The following WDR33 variants were observed in gnomAD, a reference collection of about 807,000 sequenced individuals.
WDR33 encodes WD repeat domain 33, also known as pre-mRNA 3' end processing protein WDR33.
Under a neutral mutation model 164.9 loss-of-function variants are expected in WDR33, and 47 were observed. The ratio of observed to expected loss-of-function variants is 0.29; its 90% CI spans 0.23 to 0.36. WDR33 has a LOEUF of 0.36. WDR33 is among the 10% of genes least tolerant of loss of function. The probability of loss-of-function intolerance (pLI) is 1.00; values close to 1 mark genes in which losing one functional copy is unlikely to be tolerated. For missense variants in WDR33, 1,137 were observed against 1,754.1 expected (o/e 0.65, Z 6.28); for synonymous variants, 505 against 589.0 (o/e 0.86, Z 2.06).
At chr2:127,751,224 G>A (rs1687350063) in intron 7 of WDR33, among the ~76,000 whole-genome samples, 1 of 151,888 alleles carries the variant, frequency 6.6e-6, no homozygotes, top group Admixed American at 6.6e-5. Context: ...AGCCACACAT[G>A]GTGGCATGCA....
chr2:127,704,279 A>C lies in WDR33; in HGVS notation c.*2044T>G, dbSNP rs1326640030. ...TATTGTTTAAATGAATTCACTCTCA[A>C]AATGTGATCTGTCAAGTCCAGTAGA... On this transcript the variant is annotated 3_prime_UTR_variant, in exon 22 of 22. Transcript: ENST00000322313. The C allele has an allele frequency of 1.2e-5, 2 of 166,946 alleles. No homozygotes were observed. The highest frequency in any genetic ancestry group is 2.4e-5 in the African/African-American group (1 of 41,404). 10.3% of individuals were successfully genotyped at this position (166,946 alleles called of 1,614,324 possible).
intron 1 of WDR33, among the ~76,000 whole-genome samples, chr2:127,775,458 G>GAATC (rs1475287331): frequency 2.6e-5 from 4 of 152,292 alleles, no homozygotes; most frequent in Admixed American, 2.6e-4. Context: ...CAAGGTGCTG[G>GAATC]GATTACAGGC....
chr2:127,749,315 C>T (rs1687250844), intron 7 of WDR33, among the ~76,000 whole-genome samples: 1 of 152,118 alleles, frequency 6.6e-6, no homozygotes, highest in Non-Finnish European at 1.5e-5. Flanking sequence ...ACCTGGGTGA[C>T]TGAGTGAAAC....
intron 5 of WDR33, 69 bp from the exon 6 acceptor site, chr2:127,765,048 A>G (rs1573929789): frequency 1.3e-6 from 2 of 1,573,854 alleles, no homozygotes; most frequent in East Asian, 2.2e-5. Flanking sequence ...GGCTTACAAG[A>G]GCATATAACT....
chr2:127,783,602 T>TTTTTTTTTTG, intron 1 of WDR33, among the ~76,000 whole-genome samples: 1 of 121,122 alleles, frequency 8.3e-6, no homozygotes, highest in African/African-American at 3.5e-5. Flanking sequence ...AGGACTCCTT[T>TTTTTTTTTTG]TTTTTTTTTT....
chr2:127,801,777 G>A (rs576969956), intron 1 of WDR33, among the ~76,000 whole-genome samples: 5 of 152,102 alleles, frequency 3.3e-5, no homozygotes, highest in East Asian at 3.9e-4. Context: ...CCAGCTACTC[G>A]GGAGACTGAG....
intron 8 of WDR33, among the ~76,000 whole-genome samples, chr2:127,725,892 A>G (rs1418317020): frequency 6.6e-6 from 1 of 152,126 alleles, no homozygotes; most frequent in African/African-American, 2.4e-5. Flanking sequence ...ACTTCCATAA[A>G]GTTTCTCTAA....
In WDR33 at chr2:127,704,939, C is replaced by A. The variant is rs74466242; in HGVS notation, c.*1384G>T. On this transcript the variant is annotated 3_prime_UTR_variant, in exon 22 of 22. Transcript: ENST00000322313. The stretch of plus-strand genomic sequence containing the variant: ...TCCATCTCTACAAAAAACACACACA[C>A]AAAAAATTAGCTGGGCATGGTGGCA... The A allele has an allele frequency of 0.061, 9,552 of 157,600 alleles. 583 individuals carry two copies. The highest frequency in any genetic ancestry group is 0.16 in the African/African-American group (6,650 of 41,438). The allele number at this position is 157,600 out of a possible 1,614,324, so 9.8% of individuals were successfully genotyped here.
rs1467602434 is a variant in WDR33, at chr2:127,733,710, C to CA, written c.725-6934dup. The stretch of plus-strand genomic sequence containing the variant: ...ATAGAATACTTCCGTCGTCACAAAA[C>CA]AAAAAACAAAAAACAAAAAAACCCT... On this transcript the variant is annotated intron_variant, in intron 7 of 21. Transcript: ENST00000322313. 4.0e-5 allele frequency among the ~76,000 whole-genome samples: 6 copies of CA among 150,716 alleles called. No individual in the cohort carries two copies. In the East Asian group the frequency reaches 9.6e-4, roughly 24 times the overall value.
At chr2:127,796,329 C>T (rs549806925) in intron 1 of WDR33, among the ~76,000 whole-genome samples, 2 of 152,150 alleles carry the variant, frequency 1.3e-5, no homozygotes, top group African/African-American at 4.8e-5. Context: ...CCGACTCAGC[C>T]TCCCAAAGTA....
chr2:127,788,099 GC>G (rs1688666184), intron 1 of WDR33, among the ~76,000 whole-genome samples: 1 of 97,990 alleles, frequency 1.0e-5, no homozygotes, highest in Non-Finnish European at 2.1e-5. Context: ...CCCGGACGGG[GC>G]GGCTGGCCGG....
intron 7 of WDR33, among the ~76,000 whole-genome samples, chr2:127,750,700 A>ATG (rs1246585644): frequency 0.013 from 764 of 60,972 alleles, 8 homozygotes; most frequent in Non-Finnish European, 0.015. Context: ...ATATATATAT[A>ATG]TATATATATA....
Position 127,702,091 on chromosome 2 carries a change from T to C in WDR33, c.*4232A>G. ...CTGCTGGCCGCGCTGGTTGGGCTGCTGCCCTGGGGCGGCGGCACCGCGCTG... is the reference window on the plus strand; with the variant it reads ...CTGCTGGCCGCGCTGGTTGGGCTGCCGCCCTGGGGCGGCGGCACCGCGCTG... On this transcript the variant is annotated 3_prime_UTR_variant, in exon 22 of 22. Transcript: ENST00000322313. The C allele has an allele frequency of 8.2e-7, 1 of 1,215,840 alleles. No individual in the cohort carries two copies. Among genetic ancestry groups the C allele is most frequent in the Non-Finnish European group, 1.0e-6 (1 of 980,260 alleles). 75.3% of individuals were successfully genotyped at this position (1,215,840 alleles called of 1,614,324 possible). A position where few individuals can be genotyped will look rare whatever the true frequency, so the allele number is the denominator to read the frequency against.
In WDR33 at chr2:127,722,501, C is replaced by T. The variant is rs1686464705; in HGVS notation, c.1518+90G>A. 1 of 1,524,294 alleles carries T rather than the reference C, an allele frequency of 6.6e-7. No individual in the cohort carries two copies. Among genetic ancestry groups the T allele is most frequent in the Non-Finnish European group, 8.8e-7 (1 of 1,135,038 alleles). 94.4% of individuals were successfully genotyped at this position (1,524,294 alleles called of 1,614,324 possible). A position where few individuals can be genotyped will look rare whatever the true frequency, so the allele number is the denominator to read the frequency against. On this transcript the variant is annotated intron_variant, in intron 14 of 21. Coordinates refer to ENST00000322313, the MANE Select transcript of WDR33 (RefSeq NM_018383.5). This position sits in a 1 kb window ranked among gnomAD's most constrained non-coding sequence, Gnocchi z 5.1. ...TGGGAAAAATGCTCCAGTACAGAAA[C>T]ACCTTCAACAGTGAGATAATCCAAG...
At chr2:127,807,252 T>C (rs943786685) in intron 1 of WDR33, among the ~76,000 whole-genome samples, 28 of 152,142 alleles carry the variant, frequency 1.8e-4, no homozygotes, top group Admixed American at 5.9e-4. Context: ...GTGATCCACC[T>C]GCCTCGGCCT....
Position 127,763,043 on chromosome 2 carries a change from G to C in WDR33, c.724+19C>G. On this transcript the variant is annotated intron_variant, in intron 7 of 21. Transcript: ENST00000322313. The surrounding 1 kb of genome is among the most constrained non-coding windows in gnomAD (Gnocchi z 4.5). ...CTTCCCTATTTAAATATTCCAATCAGTACTGTTAGTACACGTACCTCGGAG... is the reference window on the plus strand; with the variant it reads ...CTTCCCTATTTAAATATTCCAATCACTACTGTTAGTACACGTACCTCGGAG... 1 of 1,613,882 alleles carries C rather than the reference G, an allele frequency of 6.2e-7. No homozygotes were observed. Among genetic ancestry groups the C allele is most frequent in the African/African-American group, 1.3e-5 (1 of 75,030 alleles).
intron 17 of WDR33, among the ~76,000 whole-genome samples, chr2:127,715,648 A>G (rs1253146917): frequency 6.6e-6 from 1 of 152,144 alleles, no homozygotes; most frequent in Non-Finnish European, 1.5e-5. Context: ...CACTGACATG[A>G]TGTTGCTTGA....
intron 1 of WDR33, among the ~76,000 whole-genome samples, chr2:127,778,345 G>C (rs1386793630): frequency 3.3e-5 from 5 of 151,502 alleles, no homozygotes; most frequent in Non-Finnish European, 1.5e-5. Context: ...ACTGAGGCAG[G>C]AGAATCGCTT....
intron 7 of WDR33, among the ~76,000 whole-genome samples, chr2:127,742,915 ACATT>A (rs975640775): frequency 6.6e-6 from 1 of 151,954 alleles, no homozygotes; most frequent in Non-Finnish European, 1.5e-5. Flanking sequence ...CATTCAGAAA[ACATT>A]CAGAGAGGAA....
Sources: gnomAD v4.1 joint callset for allele counts (sites outside exome capture counted in the v4.1 genomes callset) on GRCh38, gnomAD v4.1.1 for gene constraint, Gnocchi (gnomAD v3.1) non-coding constraint, MANE v1.5 for transcripts, NCBI Gene and HGNC (gene_info 2026-07-23, HGNC 2026-07-21) for gene names.